The following LRFN5 variants were observed in gnomAD, a reference collection of about 807,000 sequenced individuals.
LRFN5 encodes the protein leucine rich repeat and fibronectin type III domain containing 5.
A neutral mutation model predicts 45.6 loss-of-function variants in LRFN5; 24 were observed. The observed-to-expected ratio is 0.53, with a 90% CI of 0.38 to 0.74. The LOEUF is 0.74. Among genes scored for constraint, LRFN5 ranks in the 30% least tolerant of loss-of-function variants. The pLI is 0.00. For missense variants in LRFN5, 776 were observed against 861.5 expected, an observed-to-expected ratio of 0.90 and a Z score of 1.24; for synonymous variants, 340 against 313.8, an observed-to-expected ratio of 1.08 and a Z score of -0.88.
At chr14:41,902,127 T>C (rs1419204982) in intron 5 of LRFN5, among the ~76,000 whole-genome samples, 2 of 151,904 alleles carry the variant, frequency 1.3e-5, no homozygotes, top group Admixed American at 1.3e-4. Flanking sequence ...ATTCATTTAA[T>C]GTCAGGATTT....
Position 41,711,306 on chromosome 14 carries a change from G to A in LRFN5, c.-196-55548G>A, listed in dbSNP as rs1205465150. Among the ~76,000 whole-genome samples, 4 of 152,272 alleles carry A rather than the reference G, an allele frequency of 2.6e-5. No homozygotes were observed. The East Asian group carries it at 5.8e-4, about 22-fold the overall frequency. ...GCTAGAGCTGTATAAAAACTATAAA[G>A]TAGTCATAGAAGACGTTGAGCTTAT... On this transcript the variant is annotated intron_variant, in intron 1 of 5. Coordinates refer to ENST00000298119, the MANE Select transcript of LRFN5 (RefSeq NM_152447.5).
chr14:41,678,427 T>C, intron 1 of LRFN5, among the ~76,000 whole-genome samples: 1 of 151,870 alleles, frequency 6.6e-6, no homozygotes, highest in South Asian at 2.1e-4. Context: ...CAGGGAGAAA[T>C]AGACAATTCA....
chr14:41,729,258 A>G (rs1474956834), intron 1 of LRFN5, among the ~76,000 whole-genome samples: 6 of 152,050 alleles, frequency 3.9e-5, no homozygotes, highest in African/African-American at 1.4e-4. Flanking sequence ...CAGTTTGTTC[A>G]CACAAAAGTT....
chr14:41,639,780 T>C (rs758626383), intron 1 of LRFN5, among the ~76,000 whole-genome samples: 3 of 151,912 alleles, frequency 2.0e-5, no homozygotes, highest in South Asian at 4.1e-4. Flanking sequence ...TTTAATTAAC[T>C]AGTTAATGTA....
chr14:41,792,066 G>T (rs1205072496), intron 2 of LRFN5, among the ~76,000 whole-genome samples: 1 of 152,042 alleles, frequency 6.6e-6, no homozygotes, highest in Admixed American at 6.6e-5. Context: ...TAAAGAGAAA[G>T]AATACAAAGG....
chr14:41,883,035 G>T (rs1395768372), intron 2 of LRFN5, among the ~76,000 whole-genome samples: 8 of 151,684 alleles, frequency 5.3e-5, no homozygotes, highest in African/African-American at 1.9e-4. Flanking sequence ...TTTTAGTAGA[G>T]ACGGGGTTTC....
rs1283201254 is a variant in LRFN5 at position 41,887,295 on chromosome 14, AC to A, written c.672del (p.Ser225GlnfsTer4). 1 of 1,614,216 alleles carries A rather than the reference AC, an allele frequency of 6.2e-7. No homozygotes were observed. Among genetic ancestry groups the A allele is most frequent in the Non-Finnish European group, 8.5e-7 (1 of 1,180,040 alleles). On this transcript the variant is annotated frameshift_variant, in exon 3 of 6. Transcript: ENST00000298119. LOFTEE classifies it high-confidence loss of function. This position sits in a 1 kb window ranked among gnomAD's most constrained non-coding sequence, Gnocchi z 4.8. ...PLFQRAQVLA[T>X]SGIISPSTFA... ...CTTTCAGCGAGCTCAGGTACTAGCA[AC>A]CTCAGGAATCATAAGCCCATCTACT... is the stretch of plus-strand genomic sequence containing the variant.
intron 1 of LRFN5, among the ~76,000 whole-genome samples, chr14:41,675,139 G>T (rs1430279058): frequency 6.6e-6 from 1 of 151,776 alleles, no homozygotes; most frequent in African/African-American, 2.4e-5. Flanking sequence ...AGGCAGAGGG[G>T]CTCCTCACGT....
chr14:41,868,227 T>C (rs1163537548), intron 2 of LRFN5, among the ~76,000 whole-genome samples: 1 of 152,124 alleles, frequency 6.6e-6, no homozygotes, highest in Non-Finnish European at 1.5e-5. Flanking sequence ...TTTTTTTGTA[T>C]TTTATTTAGA....
chr14:41,857,887 GATAGTTCC>G (rs555248620), intron 2 of LRFN5, among the ~76,000 whole-genome samples: 186 of 152,306 alleles, frequency 1.2e-3, no homozygotes, highest in African/African-American at 4.2e-3. Context: ...AGAGAAAAGA[GATAGTTCC>G]ATTGGATGTG....
intron 1 of LRFN5, among the ~76,000 whole-genome samples, chr14:41,675,102 G>A (rs1195042078): frequency 1.5e-4 from 23 of 151,278 alleles, no homozygotes; most frequent in Non-Finnish European, 2.4e-4. Context: ...GGGCAGAGAC[G>A]CTCCTCACTT....
intron 1 of LRFN5, among the ~76,000 whole-genome samples, chr14:41,649,250 C>A (rs1879971485): frequency 6.6e-6 from 1 of 150,952 alleles, no homozygotes; most frequent in Admixed American, 6.6e-5. Flanking sequence ...CACCCCCACC[C>A]CCCAAAAAAA....
intron 1 of LRFN5, among the ~76,000 whole-genome samples, chr14:41,669,938 T>TA (rs11418822): frequency 0.33 from 48,547 of 148,858 alleles, 8,371 homozygotes; most frequent in African/African-American, 0.45. Context: ...TATAGTTAAA[T>TA]AAAAAAAATT....
At chr14:41,806,185 A>T (rs1887519617) in intron 2 of LRFN5, among the ~76,000 whole-genome samples, 1 of 152,206 alleles carries the variant, frequency 6.6e-6, no homozygotes, top group Non-Finnish European at 1.5e-5. Flanking sequence ...GCCTAATGAT[A>T]CTTCAATTAA....
At chr14:41,643,032 G>A (rs1445452176) in intron 1 of LRFN5, among the ~76,000 whole-genome samples, 1 of 152,142 alleles carries the variant, frequency 6.6e-6, no homozygotes, top group Non-Finnish European at 1.5e-5. Context: ...CAGTGTGAGA[G>A]AGTCTCACTG....
rs1555326971 is a variant in LRFN5, at chr14:41,856,672, A to ATTATTATTTTTTTTTTTTTTTTTTTT, written c.-20-29929_-20-29928insATTTTTTTTTTTTTTTTTTTTTTATT. ...TCTTTCTTTCCTAATTATTATTATTATTATTTTTTTTTTTTTTTTTTTGAG... is the reference window on the plus strand; with the variant it reads ...TCTTTCTTTCCTAATTATTATTATTATTATTATTTTTTTTTTTTTTTTTTTTTTATTTTTTTTTTTTTTTTTTTGAG... On this transcript the variant is annotated intron_variant, in intron 2 of 5. Coordinates refer to ENST00000298119, the MANE Select transcript of LRFN5 (RefSeq NM_152447.5). Among the ~76,000 whole-genome samples the ATTATTATTTTTTTTTTTTTTTTTTTT allele has an allele frequency of 5.9e-3, 35 of 5,976 alleles. 2 individuals carry two copies. The highest frequency in any genetic ancestry group is 9.9e-3 in the African/African-American group (35 of 3,534). 3.9% of individuals were successfully genotyped at this position (5,976 alleles called of 152,430 possible).
Position 41,904,116 on chromosome 14 carries a change from CCTTT to C in LRFN5, c.2143-33_2143-30del, listed in dbSNP as rs758065345. 3.0e-5 allele frequency: 44 copies of C among 1,489,364 alleles called. No individual in the cohort carries two copies. In the East Asian group the frequency reaches 4.1e-4, roughly 14 times the overall value. The allele number at this position is 1,489,364 out of a possible 1,614,324, so 92.3% of individuals were successfully genotyped here. A position where few individuals can be genotyped will look rare whatever the true frequency, so the allele number is the denominator to read the frequency against. On this transcript the variant is annotated intron_variant, in intron 5 of 5. Transcript: ENST00000298119. ...TAGCTATGTGTTTTCTTTCTTTCTT[CCTTT>C]CTTTCTTTTTTTCCTTTTTCTTTTT...
At chr14:41,764,677 G>T (rs1885804778) in intron 1 of LRFN5, among the ~76,000 whole-genome samples, 1 of 151,924 alleles carries the variant, frequency 6.6e-6, no homozygotes, top group Non-Finnish European at 1.5e-5. Context: ...TTTTTATACT[G>T]CATCTTTACT....
intron 2 of LRFN5, among the ~76,000 whole-genome samples, chr14:41,804,431 A>G (rs920084175): frequency 8.5e-5 from 13 of 152,268 alleles, no homozygotes; most frequent in African/African-American, 3.1e-4. Context: ...TAATTTCTAC[A>G]ATAGTGATAT....
Sources: gnomAD v4.1 joint callset for allele counts (sites outside exome capture counted in the v4.1 genomes callset) on GRCh38, gnomAD v4.1.1 for gene constraint, Gnocchi (gnomAD v3.1) non-coding constraint, MANE v1.5 for transcripts, NCBI Gene and HGNC (gene_info 2026-07-23, HGNC 2026-07-21) for gene names.